Variants in NEDD1 observed in about 807,000 individuals in gnomAD.
The protein encoded by NEDD1 is protein NEDD1.
In NEDD1, 33 loss-of-function variants were observed where a neutral mutation model predicts 74.0. The ratio of observed to expected loss-of-function variants is 0.45; its 90% CI spans 0.34 to 0.60. The LOEUF is 0.60. NEDD1 is among the 20% of genes least tolerant of loss of function. The pLI, the probability that NEDD1 is intolerant of heterozygous loss-of-function variation, is 0.01. For synonymous variants in NEDD1, 250 were observed against 264.4 expected (o/e 0.95, Z 0.53); for missense variants, 746 against 776.5 (o/e 0.96, Z 0.47).
intron 6 of NEDD1, among the ~76,000 whole-genome samples, chr12:96,928,496 C>G (rs954703120): frequency 1.3e-5 from 2 of 151,916 alleles, no homozygotes; most frequent in Admixed American, 6.5e-5. Flanking sequence ...AAGTGTTACC[C>G]TATTATCTTT....
chr12:96,927,213 T>C (rs1204501241), intron 6 of NEDD1, among the ~76,000 whole-genome samples: 1 of 152,190 alleles, frequency 6.6e-6, no homozygotes, highest in Non-Finnish European at 1.5e-5. Context: ...AAATTTCAAA[T>C]CTTTAAAAAT....
rs2888010 is a variant in NEDD1 at position 96,929,600 on chromosome 12, C to T, written c.490-5376C>T. Among the ~76,000 whole-genome samples, 41 of 55,148 alleles carry T rather than the reference C, an allele frequency of 7.4e-4. 1 individual carries two copies. In the Middle Eastern group the frequency reaches 0.034, roughly 46 times the overall value. 36.2% of individuals were successfully genotyped at this position (55,148 alleles called of 152,430 possible). On this transcript the variant is annotated intron_variant, in intron 6 of 15. Coordinates refer to ENST00000266742, the MANE Select transcript of NEDD1 (RefSeq NM_152905.4). ...ACACACACACACACACACACACACA[C>T]ATATGTGTATATATATATATATATT... is the stretch of plus-strand genomic sequence containing the variant.
rs1877129677 is a variant in NEDD1 at position 96,936,667 on chromosome 12, A to T, written c.776A>T (p.Asp259Val). Residue 259 changes from aspartate (D) to valine (V), a missense_variant, in exon 8 of 16, where the codon GAT (aspartate) becomes GTT (valine). This residue lies in a region of NEDD1 where 706 missense variants were observed against 706.7 expected (regional missense o/e 1.00). Transcript: ENST00000266742. ...TPLTAVDFMP[D>V]GATLAIGSSR... ...CTAACTGCGGTAGATTTCATGCCTG[A>T]TGGAGCCACTTTGGCTATTGGATCT... is the stretch of plus-strand genomic sequence containing the variant. 1 of 1,613,730 alleles carries T rather than the reference A, an allele frequency of 6.2e-7. No individual in the cohort carries two copies. The highest frequency in any genetic ancestry group is 8.5e-7 in the Non-Finnish European group (1 of 1,179,774).
rs889641957 is a variant in NEDD1 at position 96,953,294 on chromosome 12, A to C, written c.*1241A>C. 6.6e-6 allele frequency: 1 copy of C among 151,634 alleles called. No individual in the cohort carries two copies. The highest frequency in any genetic ancestry group is 1.5e-5 in the Non-Finnish European group (1 of 67,696). 9.4% of individuals were successfully genotyped at this position (151,634 alleles called of 1,614,324 possible). ...ATGGAAATTTTTAAGGATATATTTAATAAGCATAAACTTACTAATAATTAC... is the reference window on the plus strand; with the variant it reads ...ATGGAAATTTTTAAGGATATATTTACTAAGCATAAACTTACTAATAATTAC... On this transcript the variant is annotated 3_prime_UTR_variant, in exon 16 of 16. Coordinates refer to ENST00000266742, the MANE Select transcript of NEDD1 (RefSeq NM_152905.4).
chr12:96,918,392 A>C (rs1668745105), intron 5 of NEDD1, among the ~76,000 whole-genome samples: 1 of 120,462 alleles, frequency 8.3e-6, no homozygotes, highest in Non-Finnish European at 1.8e-5. Flanking sequence ...TTTTGTCTTA[A>C]AAAAGTTTTA....
intron 6 of NEDD1, among the ~76,000 whole-genome samples, chr12:96,921,959 T>C (rs1009769953): frequency 6.6e-6 from 1 of 151,876 alleles, no homozygotes; most frequent in Non-Finnish European, 1.5e-5. Context: ...TTAACAAAAA[T>C]AAGGAGAAAG....
At chr12:96,915,803 G>A (rs918923556) in intron 4 of NEDD1, among the ~76,000 whole-genome samples, 9 of 152,180 alleles carry the variant, frequency 5.9e-5, no homozygotes, top group Non-Finnish European at 1.0e-4. Context: ...GCATGGATAT[G>A]GGCCTTGTGC....
At chr12:96,945,605 A>G (rs1386043959) in intron 13 of NEDD1, 88 bp from the exon 14 acceptor site, 5 of 782,092 alleles carry the variant, frequency 6.4e-6, no homozygotes, top group Non-Finnish European at 1.0e-5. Flanking sequence ...CAGTTTTTCA[A>G]GTTTGCACAT....
chr12:96,943,623 G>A lies in NEDD1; in HGVS notation c.1358G>A (p.Ser453Asn). The change falls in exon 12 of 16, where the codon AGT (serine) becomes AAT (asparagine). Residue 453 changes from serine to asparagine, a missense_variant. Coordinates refer to ENST00000266742, the MANE Select transcript of NEDD1 (RefSeq NM_152905.4). The part of the protein sequence containing the change: ...FPPRKNPVTS[S>N]TSVLHSSPLN... ...CCAAGAAAAAATCCAGTAACTTCAA[G>A]TACTTCAGTATTGCATTCTAGTCCT... 1 of 1,612,638 alleles carries A rather than the reference G, an allele frequency of 6.2e-7. No individual in the cohort carries two copies. Among genetic ancestry groups the A allele is most frequent in the Non-Finnish European group, 8.5e-7 (1 of 1,178,836 alleles).
intron 6 of NEDD1, among the ~76,000 whole-genome samples, chr12:96,925,471 C>T (rs2136544993): frequency 6.6e-6 from 1 of 152,278 alleles, no homozygotes; most frequent in East Asian, 1.9e-4. Context: ...ACTTTCAGAT[C>T]ATACAACTCT....
At chr12:96,929,394 T>C (rs1399918368) in intron 6 of NEDD1, among the ~76,000 whole-genome samples, 1 of 148,882 alleles carries the variant, frequency 6.7e-6, no homozygotes, top group African/African-American at 2.5e-5. Flanking sequence ...TTTTTTTCTT[T>C]CTGATCTTCT....
intron 6 of NEDD1, among the ~76,000 whole-genome samples, chr12:96,931,036 A>G (rs985496434): frequency 2.0e-5 from 3 of 152,210 alleles, no homozygotes; most frequent in African/African-American, 7.2e-5. Flanking sequence ...TGGAAATGGG[A>G]TAACTATGTA....
At chr12:96,925,477 A>G (rs952730724) in intron 6 of NEDD1, among the ~76,000 whole-genome samples, 2 of 152,032 alleles carry the variant, frequency 1.3e-5, no homozygotes, top group Non-Finnish European at 2.9e-5. Context: ...AGATCATACA[A>G]CTCTTAATTG....
At chr12:96,936,096 A>G (rs1416760151) in intron 7 of NEDD1, among the ~76,000 whole-genome samples, 1 of 152,192 alleles carries the variant, frequency 6.6e-6, no homozygotes, top group African/African-American at 2.4e-5. Flanking sequence ...GTATTTCTTT[A>G]TTAGCTTCCT....
At chr12:96,932,803 T>G (rs193212695) in intron 6 of NEDD1, among the ~76,000 whole-genome samples, 32 of 151,800 alleles carry the variant, frequency 2.1e-4, no homozygotes, top group African/African-American at 7.2e-4. Flanking sequence ...ATGGCTACTG[T>G]GTACCTGATT....
At chr12:96,912,557 C>A (rs889004192) in intron 3 of NEDD1, 166 bp from the exon 4 acceptor site, 5 of 470,640 alleles carry the variant, frequency 1.1e-5, no homozygotes, top group African/African-American at 1.0e-4. Flanking sequence ...GAGAATTAGT[C>A]TTAGTAATTA....
intron 4 of NEDD1, 59 bp from the exon 5 acceptor site, chr12:96,917,562 T>A: frequency 6.9e-7 from 1 of 1,453,840 alleles, no homozygotes; most frequent in East Asian, 2.6e-5. Flanking sequence ...GGATGAGACC[T>A]GAAAGTCAGC....
chr12:96,922,272 G>A (rs1176745379), intron 6 of NEDD1, among the ~76,000 whole-genome samples: 1 of 148,866 alleles, frequency 6.7e-6, no homozygotes, highest in Non-Finnish European at 1.5e-5. Flanking sequence ...ATTATATTTT[G>A]TTTTGGTGAT....
intron 3 of NEDD1, 96 bp downstream of exon 3, chr12:96,909,991 C>A: frequency 7.5e-7 from 1 of 1,335,874 alleles, no homozygotes; most frequent in Non-Finnish European, 1.0e-6. Flanking sequence ...GTGCCTCATA[C>A]TGAGTAATGT....
Sources: gnomAD v4.1 joint callset for allele counts (sites outside exome capture counted in the v4.1 genomes callset) on GRCh38, gnomAD v4.1.1 for gene constraint, gnomAD v4.1.1 regional missense constraint, MANE v1.5 for transcripts, NCBI Gene and HGNC (gene_info 2026-07-23, HGNC 2026-07-21) for gene names.